The following ZNF385D variants were observed in gnomAD, a reference collection of about 807,000 sequenced individuals.
ZNF385D encodes the protein zinc finger protein 659.
A neutral mutation model predicts 35.8 loss-of-function variants in ZNF385D; 15 were observed. That is an observed-to-expected ratio of 0.42 (90% CI 0.28 to 0.64). ZNF385D has a LOEUF of 0.64. ZNF385D is among the 30% of genes least tolerant of loss of function. The pLI is 0.23. For synonymous variants in ZNF385D, 212 were observed against 186.8 expected (o/e 1.13, Z -1.10); for missense variants, 474 against 494.6 (o/e 0.96, Z 0.39).
chr3:21,748,179 G>T (rs1038622505), intron 1 of ZNF385D, among the ~76,000 whole-genome samples: 2 of 152,230 alleles, frequency 1.3e-5, no homozygotes, highest in Admixed American at 1.3e-4. Flanking sequence ...GGAGATAAGA[G>T]TGAGGCTTAA....
chr3:22,277,356 G>A (rs192806215), intron 2 of ZNF385D, among the ~76,000 whole-genome samples: 228 of 152,116 alleles, frequency 1.5e-3, no homozygotes, highest in Non-Finnish European at 2.9e-3. Context: ...TACTGGTGAA[G>A]GAATGCTTTT....
chr3:22,063,524 A>G (rs1233294609), intron 3 of ZNF385D, among the ~76,000 whole-genome samples: 1 of 152,200 alleles, frequency 6.6e-6, no homozygotes. Flanking sequence ...GAAGCCCACT[A>G]AAGCCTATTA....
At chr3:21,570,799 A>C (rs1181370056) in intron 2 of ZNF385D, among the ~76,000 whole-genome samples, 2 of 152,152 alleles carry the variant, frequency 1.3e-5, no homozygotes, top group African/African-American at 4.8e-5. Flanking sequence ...CAAGCTTTGT[A>C]ATATTCATCA....
chr3:22,123,963 T>TCTCTCTCC (rs1491534365), intron 3 of ZNF385D, among the ~76,000 whole-genome samples: 1 of 54,958 alleles, frequency 1.8e-5, no homozygotes, highest in Non-Finnish European at 3.8e-5. Context: ...TCTCTCTCTC[T>TCTCTCTCC]ATATATATAT....
intron 1 of ZNF385D, among the ~76,000 whole-genome samples, chr3:21,697,318 GA>G (rs569452134): frequency 6.6e-6 from 1 of 152,054 alleles, no homozygotes; most frequent in African/African-American, 2.4e-5. Flanking sequence ...ATAATCACAT[GA>G]AAAAAAGACA....
intron 2 of ZNF385D, among the ~76,000 whole-genome samples, chr3:22,180,520 G>T (rs1024789833): frequency 6.6e-6 from 1 of 152,096 alleles, no homozygotes; most frequent in Admixed American, 6.5e-5. Context: ...GATGAACATC[G>T]ATGCAAAAAT....
At chr3:22,163,539 T>C (rs547008904) in intron 3 of ZNF385D, among the ~76,000 whole-genome samples, 3 of 144,060 alleles carry the variant, frequency 2.1e-5, no homozygotes, top group South Asian at 2.1e-4. Flanking sequence ...CTTATTCAAG[T>C]TTTTTTTGTA....
intron 2 of ZNF385D, among the ~76,000 whole-genome samples, chr3:21,601,086 A>G (rs1304368310): frequency 6.6e-6 from 1 of 152,138 alleles, no homozygotes; most frequent in Non-Finnish European, 1.5e-5. Context: ...TCTTTTTTCA[A>G]GGAGGTTTTT....
chr3:22,189,521 T>G (rs1173990050), intron 2 of ZNF385D, among the ~76,000 whole-genome samples: 1 of 152,048 alleles, frequency 6.6e-6, no homozygotes, highest in East Asian at 1.9e-4. Flanking sequence ...GAGGGGAGAT[T>G]TGAATCAGGA....
chr3:21,744,844 G>A (rs1002369409), intron 1 of ZNF385D, among the ~76,000 whole-genome samples: 1 of 135,376 alleles, frequency 7.4e-6, no homozygotes, highest in Non-Finnish European at 1.7e-5. Flanking sequence ...CTAGGACTTG[G>A]GTTAAAAAAA....
intron 1 of ZNF385D, among the ~76,000 whole-genome samples, chr3:21,694,292 C>G (rs915436956): frequency 1.3e-5 from 2 of 151,952 alleles, no homozygotes; most frequent in African/African-American, 4.8e-5. Flanking sequence ...ACCTTGGCCT[C>G]CCAAAGTGCT....
At chr3:21,480,304 T>C (rs901352855) in intron 4 of ZNF385D, among the ~76,000 whole-genome samples, 1 of 152,086 alleles carries the variant, frequency 6.6e-6, no homozygotes, top group Non-Finnish European at 1.5e-5. Flanking sequence ...GGTTTCACCA[T>C]GTTGATCAGG....
rs1199583824 is a variant in ZNF385D at position 22,037,656 on chromosome 3, G to A, written c.325+131161C>T. ...GCAAAAATTTTCTCCCATTCTGTAG[G>A]TTGACTGTTCACTCTGATGGTAGTT... On this transcript the variant is annotated intron_variant, in intron 3 of 5. Transcript: ENST00000494108. 3.3e-5 allele frequency among the ~76,000 whole-genome samples: 5 copies of A among 152,196 alleles called. No individual in the cohort carries two copies. In the East Asian group the frequency reaches 9.7e-4, roughly 30 times the overall value.
chr3:21,715,551 A>G (rs2068283986), intron 1 of ZNF385D, among the ~76,000 whole-genome samples: 1 of 152,294 alleles, frequency 6.6e-6, no homozygotes, highest in African/African-American at 2.4e-5. Flanking sequence ...ATAGTGCTGC[A>G]AGAAACATAT....
At chr3:22,334,671 T>C (rs758230162) in intron 2 of ZNF385D, among the ~76,000 whole-genome samples, 53 of 152,186 alleles carry the variant, frequency 3.5e-4, no homozygotes, top group Admixed American at 2.0e-4. Context: ...ATCAGTCCAT[T>C]GTTTCAGATT....
At chr3:22,267,984 T>A (rs1398417846) in intron 2 of ZNF385D, among the ~76,000 whole-genome samples, 1 of 151,992 alleles carries the variant, frequency 6.6e-6, no homozygotes, top group East Asian at 1.9e-4. Flanking sequence ...CATAGCATTC[T>A]AATAACTGAA....
At chr3:21,583,951 CTTATTTACTTATTTAT>C (rs763976835) in intron 2 of ZNF385D, among the ~76,000 whole-genome samples, 8,879 of 132,892 alleles carry the variant, frequency 0.067, 639 homozygotes, top group African/African-American at 0.18. Context: ...ATTTATTTTA[CTTATTTACTTATTTAT>C]TTATTTATTT....
At chr3:21,814,017 T>C (rs1287577868) in intron 3 of ZNF385D, among the ~76,000 whole-genome samples, 1 of 152,120 alleles carries the variant, frequency 6.6e-6, no homozygotes, top group African/African-American at 2.4e-5. Flanking sequence ...GCAGAAACCA[T>C]ACAAGCCAGA....
chr3:21,954,444 G>A (rs1452018864), intron 3 of ZNF385D, among the ~76,000 whole-genome samples: 1 of 151,920 alleles, frequency 6.6e-6, no homozygotes, highest in African/African-American at 2.4e-5. Context: ...GATCTAAGGA[G>A]CCTTAGTAAC....
Sources: gnomAD v4.1 joint callset for allele counts (sites outside exome capture counted in the v4.1 genomes callset) on GRCh38, gnomAD v4.1.1 for gene constraint, MANE v1.5 for transcripts, NCBI Gene and HGNC (gene_info 2026-07-23, HGNC 2026-07-21) for gene names.